Variants in DPP10 observed in about 807,000 individuals in gnomAD.
The protein encoded by DPP10 is dipeptidyl peptidase like 10, also known as inactive dipeptidyl peptidase 10.
In DPP10, 33 loss-of-function variants were observed where a neutral mutation model predicts 120.9. The observed-to-expected ratio is 0.27, with a 90% confidence interval of 0.21 to 0.37. The LOEUF is 0.37. Ranked by LOEUF, DPP10 falls within the 10% of genes least tolerant of loss-of-function variation. The probability of loss-of-function intolerance (pLI) is 1.00; values close to 1 mark genes in which losing one functional copy is unlikely to be tolerated. For missense variants in DPP10, 816 were observed against 942.8 expected, an observed-to-expected ratio of 0.87 and a Z score of 1.76; for synonymous variants, 337 against 326.1, an observed-to-expected ratio of 1.03 and a Z score of -0.36.
intron 2 of DPP10, among the ~76,000 whole-genome samples, chr2:115,322,410 G>A (rs72840718): frequency 2.4e-3 from 366 of 152,210 alleles, no homozygotes; most frequent in Non-Finnish European, 4.4e-3. Context: ...TGGCTATGGT[G>A]GGGTGTGGAG....
At chr2:115,611,306 A>G (rs2084082455) in intron 5 of DPP10, among the ~76,000 whole-genome samples, 1 of 152,228 alleles carries the variant, frequency 6.6e-6, no homozygotes, top group African/African-American at 2.4e-5. Context: ...CCGAATCTTA[A>G]TCTATGCAAT....
intron 5 of DPP10, among the ~76,000 whole-genome samples, chr2:115,568,408 G>A (rs941957036): frequency 1.3e-4 from 20 of 150,704 alleles, no homozygotes; most frequent in East Asian, 2.0e-4. Flanking sequence ...GCTTGAATCC[G>A]GGAGGCAGAG....
intron 1 of DPP10, among the ~76,000 whole-genome samples, chr2:115,187,142 T>A (rs1341320265): frequency 1.4e-5 from 2 of 143,892 alleles, no homozygotes; most frequent in Non-Finnish European, 3.0e-5. Context: ...GTTCACGCCA[T>A]TCTCCTGCCT....
chr2:115,635,575 T>C (rs2086258774), intron 5 of DPP10, among the ~76,000 whole-genome samples: 2 of 152,184 alleles, frequency 1.3e-5, no homozygotes. Flanking sequence ...TCTGTTTAAA[T>C]AATTCTTCAA....
chr2:115,084,904 A>T (rs80339027), intron 1 of DPP10, among the ~76,000 whole-genome samples: 1,948 of 152,322 alleles, frequency 0.013, 30 homozygotes, highest in Non-Finnish European at 0.015. Context: ...TAGCATTTCT[A>T]GGAAAAGGGC....
intron 1 of DPP10, among the ~76,000 whole-genome samples, chr2:115,219,321 A>G (rs1480020611): frequency 6.6e-6 from 1 of 152,170 alleles, no homozygotes; most frequent in Non-Finnish European, 1.5e-5. Flanking sequence ...TTCATTACAT[A>G]ATAGGAACAC....
chr2:114,692,046 G>A (rs1192442924), intron 1 of DPP10, among the ~76,000 whole-genome samples: 24 of 151,628 alleles, frequency 1.6e-4, no homozygotes, highest in African/African-American at 4.8e-4. Flanking sequence ...TCCTGGATTC[G>A]TTTATTTTTT....
chr2:115,096,489 A>G (rs1023593893), intron 1 of DPP10, among the ~76,000 whole-genome samples: 1 of 152,174 alleles, frequency 6.6e-6, no homozygotes, highest in African/African-American at 2.4e-5. Flanking sequence ...TAGATTAGAG[A>G]TAGCCTGAGT....
intron 1 of DPP10, among the ~76,000 whole-genome samples, chr2:114,592,770 G>A (rs183914362): frequency 6.7e-4 from 102 of 152,160 alleles, no homozygotes; most frequent in Admixed American, 1.9e-3. Context: ...ATTCTAATGA[G>A]TATATCAAAT....
intron 1 of DPP10, among the ~76,000 whole-genome samples, chr2:114,776,250 T>C (rs1176524751): frequency 6.6e-6 from 1 of 152,178 alleles, no homozygotes; most frequent in African/African-American, 2.4e-5. Context: ...ACCTCCATGA[T>C]CTGAGGCCTG....
At chr2:114,554,907 A>G (rs1026679459) in intron 1 of DPP10, among the ~76,000 whole-genome samples, 2 of 152,224 alleles carry the variant, frequency 1.3e-5, no homozygotes, top group Non-Finnish European at 2.9e-5. Flanking sequence ...ACTCAAAGAT[A>G]TACAGGTTAA....
At chr2:115,042,008 C>T (rs1402318937) in intron 1 of DPP10, among the ~76,000 whole-genome samples, 189 of 80,104 alleles carry the variant, frequency 2.4e-3, no homozygotes, top group East Asian at 2.9e-3. Context: ...TCTATCTTAT[C>T]TTTTTTTTTT....
At chr2:114,587,729 T>G (rs907526876) in intron 1 of DPP10, among the ~76,000 whole-genome samples, 3 of 152,222 alleles carry the variant, frequency 2.0e-5, no homozygotes, top group African/African-American at 7.2e-5. Context: ...CCTCAAACAC[T>G]GTAAACTCTT....
intron 1 of DPP10, among the ~76,000 whole-genome samples, chr2:114,671,119 G>A (rs944082315): frequency 3.3e-5 from 5 of 152,110 alleles, no homozygotes; most frequent in Non-Finnish European, 7.4e-5. Flanking sequence ...TCTAGTTATT[G>A]ATATTATGGG....
intron 1 of DPP10, among the ~76,000 whole-genome samples, chr2:114,962,208 G>C (rs76011843): frequency 0.057 from 8,604 of 152,122 alleles, 308 homozygotes; most frequent in East Asian, 0.12. Flanking sequence ...AAATAAAGCT[G>C]GGGAGAGGTT....
intron 1 of DPP10, among the ~76,000 whole-genome samples, chr2:114,818,113 T>A (rs1685788392): frequency 6.6e-6 from 1 of 152,142 alleles, no homozygotes; most frequent in South Asian, 2.1e-4. Context: ...GAATCTTCAT[T>A]ACTGCCCAAA....
chr2:114,874,653 A>G lies in DPP10; in HGVS notation c.60+431815A>G, dbSNP rs530472105. The stretch of plus-strand genomic sequence containing the variant: ...TAATAATAATAGTATAAAGTGCACA[A>G]TAAATGTAATGTACTAGAATCATCC... On this transcript the variant is annotated intron_variant, in intron 1 of 25. Transcript: ENST00000410059. Among the ~76,000 whole-genome samples the G allele has an allele frequency of 2.6e-5, 4 of 152,196 alleles. No homozygotes were observed. In the East Asian group the frequency reaches 5.8e-4, roughly 22 times the overall value.
chr2:115,659,304 T>C (rs2088688282), intron 5 of DPP10, among the ~76,000 whole-genome samples: 1 of 152,116 alleles, frequency 6.6e-6, no homozygotes, highest in Admixed American at 6.6e-5. Context: ...ACAAGTGAAC[T>C]AAGACACATA....
intron 1 of DPP10, among the ~76,000 whole-genome samples, chr2:114,937,069 CT>C (rs1323812801): frequency 1.3e-5 from 2 of 151,996 alleles, no homozygotes; most frequent in African/African-American, 2.4e-5. Flanking sequence ...CTGATTATTT[CT>C]TTTGCTGTGC....
Sources: gnomAD v4.1 joint callset for allele counts (sites outside exome capture counted in the v4.1 genomes callset) on GRCh38, gnomAD v4.1.1 for gene constraint, MANE v1.5 for transcripts, NCBI Gene and HGNC (gene_info 2026-07-23, HGNC 2026-07-21) for gene names.